Variants in GNA14 observed in about 807,000 individuals in gnomAD.
GNA14 encodes the protein guanine nucleotide-binding protein subunit alpha-14.
In GNA14, 50 loss-of-function variants were observed where a neutral mutation model predicts 42.0. The observed-to-expected ratio is 1.19, with a 90% CI of 0.95 to 1.51. The LOEUF (loss-of-function observed/expected upper bound fraction) is 1.51, where lower values mean the gene tolerates loss of function less well. Among genes scored for constraint, GNA14 ranks in the 40% most tolerant of loss-of-function variants. The pLI, the probability that GNA14 is intolerant of heterozygous loss-of-function variation, is 0.00. For synonymous variants in GNA14, 173 were observed against 163.1 expected, an observed-to-expected ratio of 1.06 and a Z score of -0.46; for missense variants, 473 against 446.2, an observed-to-expected ratio of 1.06 and a Z score of -0.54.
At chr9:77,588,098 C>G (rs1432761860) in intron 1 of GNA14, among the ~76,000 whole-genome samples, 1 of 152,108 alleles carries the variant, frequency 6.6e-6, no homozygotes, top group African/African-American at 2.4e-5. Context: ...TTATAAGGAC[C>G]CTTGTATTAC....
chr9:77,559,188 T>A (rs1486150702), intron 1 of GNA14, among the ~76,000 whole-genome samples: 1 of 152,314 alleles, frequency 6.6e-6, no homozygotes, highest in Admixed American at 6.5e-5. Context: ...TCTTGCTTCC[T>A]GATTCCCATC....
At chr9:77,628,033 C>T (rs926033347) in intron 1 of GNA14, among the ~76,000 whole-genome samples, 3 of 152,202 alleles carry the variant, frequency 2.0e-5, no homozygotes, top group African/African-American at 4.8e-5. Flanking sequence ...TGATAAGCAA[C>T]TTCAGCAAAG....
intron 2 of GNA14, among the ~76,000 whole-genome samples, chr9:77,525,082 TCTTAA>T (rs2131764432): frequency 6.6e-6 from 1 of 152,342 alleles, no homozygotes; most frequent in South Asian, 2.1e-4. Context: ...TCAACTGTAT[TCTTAA>T]CTTACTATTC....
chr9:77,434,529 A>G lies in GNA14; in HGVS notation c.310-7T>C, dbSNP rs1359707448. Reference sequence around the variant, plus strand: ...TGATTATCTGGGCATTTTCCTACTCAAAGGAAAGAGAACCTTGCATCAGGC... The same window carrying G: ...TGATTATCTGGGCATTTTCCTACTCGAAGGAAAGAGAACCTTGCATCAGGC... On this transcript the variant is annotated splice_polypyrimidine_tract_variant and splice_region_variant and intron_variant, in intron 2 of 6. Coordinates refer to ENST00000341700, the MANE Select transcript of GNA14 (RefSeq NM_004297.4). 1 of 1,611,254 alleles carries G rather than the reference A, an allele frequency of 6.2e-7. No individual in the cohort carries two copies. The highest frequency in any genetic ancestry group is 2.2e-5 in the East Asian group (1 of 44,854).
At chr9:77,573,150 T>C (rs1009828752) in intron 1 of GNA14, among the ~76,000 whole-genome samples, 6 of 152,094 alleles carry the variant, frequency 3.9e-5, no homozygotes, top group Non-Finnish European at 8.8e-5. Flanking sequence ...GCATTAAAAG[T>C]AAAGATCTAG....
chr9:77,573,294 C>T (rs1305889853), intron 1 of GNA14, among the ~76,000 whole-genome samples: 1 of 151,660 alleles, frequency 6.6e-6, no homozygotes, highest in Non-Finnish European at 1.5e-5. Context: ...ACTAAAAATA[C>T]AAAAATTAGC....
At position 77,576,537 on chromosome 9, in the gene GNA14, G is replaced by A. The variant is rs914713098; in HGVS notation, c.125-47284C>T. 5.9e-5 allele frequency among the ~76,000 whole-genome samples: 9 copies of A among 152,232 alleles called. No homozygotes were observed. In the East Asian group the frequency reaches 1.5e-3, roughly 26 times the overall value. ...CTACCACTGAAGAGTTTCAGTTGAT[G>A]CATTTGTGTAGCTTCATAAAAAATG... is the stretch of plus-strand genomic sequence containing the variant. On this transcript the variant is annotated intron_variant, in intron 1 of 6. Coordinates refer to ENST00000341700, the MANE Select transcript of GNA14 (RefSeq NM_004297.4).
intron 1 of GNA14, among the ~76,000 whole-genome samples, chr9:77,567,872 C>CA (rs941838986): frequency 4.0e-5 from 6 of 151,476 alleles, no homozygotes; most frequent in African/African-American, 1.2e-4. Flanking sequence ...GTCTCAAAAA[C>CA]AAAAAAACAA....
intron 1 of GNA14, among the ~76,000 whole-genome samples, chr9:77,606,934 T>C (rs1445997378): frequency 1.3e-5 from 2 of 152,172 alleles, no homozygotes; most frequent in African/African-American, 4.8e-5. Context: ...CCAGAATTTC[T>C]CTCTGCCAAG....
intron 2 of GNA14, chr9:77,456,624 C>T (rs1000938405): frequency 6.6e-6 from 1 of 152,050 alleles, no homozygotes; most frequent in Non-Finnish European, 1.5e-5. Context: ...GGAAGACTTG[C>T]TAATATTCAC....
intron 1 of GNA14, among the ~76,000 whole-genome samples, chr9:77,575,841 A>G (rs1366897224): frequency 1.3e-5 from 2 of 152,206 alleles, no homozygotes; most frequent in Non-Finnish European, 2.9e-5. Flanking sequence ...GGATATTTGA[A>G]GTTCTTCATG....
At chr9:77,429,747 C>G (rs1156231483) in intron 4 of GNA14, among the ~76,000 whole-genome samples, 1 of 152,230 alleles carries the variant, frequency 6.6e-6, no homozygotes, top group Non-Finnish European at 1.5e-5. Context: ...GTACCTGCAG[C>G]CAAGCTCTGC....
chr9:77,478,043 A>T (rs75120733), intron 2 of GNA14, among the ~76,000 whole-genome samples: 6 of 139,772 alleles, frequency 4.3e-5, no homozygotes, highest in African/African-American at 1.3e-4. Context: ...TTTTTTTTTT[A>T]AACTTTAAGT....
Position 77,508,084 on chromosome 9 carries a change from C to T in GNA14, c.309+20985G>A, listed in dbSNP as rs558087831. ...TCAATGTTGAAGAAACTCTCCACTA[C>T]TCTGTCCGCTTCCCTGCTCTCTCTC... On this transcript the variant is annotated intron_variant, in intron 2 of 6. Transcript: ENST00000341700. 4.6e-5 allele frequency among the ~76,000 whole-genome samples: 7 copies of T among 152,284 alleles called. 1 individual carries two copies. The South Asian group carries it at 1.5e-3, about 32-fold the overall frequency.
At chr9:77,595,429 T>C (rs1823449534) in intron 1 of GNA14, among the ~76,000 whole-genome samples, 1 of 152,000 alleles carries the variant, frequency 6.6e-6, no homozygotes, top group Admixed American at 6.5e-5. Flanking sequence ...CACCATTTAT[T>C]GAGGGCTGCT....
intron 2 of GNA14, among the ~76,000 whole-genome samples, chr9:77,509,869 C>CA (rs1423748184): frequency 4.6e-5 from 7 of 152,188 alleles, no homozygotes; most frequent in African/African-American, 1.4e-4. Flanking sequence ...TTAGCGTCAA[C>CA]AACAGTGGGG....
chr9:77,430,454 G>T (rs1056620370), intron 4 of GNA14, among the ~76,000 whole-genome samples: 1 of 152,202 alleles, frequency 6.6e-6, no homozygotes, highest in African/African-American at 2.4e-5. Flanking sequence ...TTGTGAAAAG[G>T]TTTAGAGAAA....
At chr9:77,569,534 C>A (rs181425012) in intron 1 of GNA14, among the ~76,000 whole-genome samples, 1 of 152,252 alleles carries the variant, frequency 6.6e-6, no homozygotes, top group African/African-American at 2.4e-5. Flanking sequence ...GCTTACAAAA[C>A]GGTCAGAGGG....
intron 2 of GNA14, among the ~76,000 whole-genome samples, chr9:77,506,030 G>A (rs532113346): frequency 1.8e-4 from 28 of 151,970 alleles, no homozygotes; most frequent in East Asian, 3.9e-4. Flanking sequence ...TTGGAAGGCC[G>A]AGGTGGGAGG....
Sources: gnomAD v4.1 joint callset for allele counts (sites outside exome capture counted in the v4.1 genomes callset) on GRCh38, gnomAD v4.1.1 for gene constraint, MANE v1.5 for transcripts, NCBI Gene and HGNC (gene_info 2026-07-23, HGNC 2026-07-21) for gene names.